ADGRE5: variants seen among roughly 807,000 people sequenced by gnomAD.
The protein encoded by ADGRE5 is adhesion G protein-coupled receptor E5.
A neutral mutation model predicts 100.3 loss-of-function variants in ADGRE5; 72 were observed. That is an observed-to-expected ratio of 0.72 (90% confidence interval 0.59 to 0.87). The LOEUF (loss-of-function observed/expected upper bound fraction) is 0.87, where lower values mean the gene tolerates loss of function less well. ADGRE5 is among the 40% of genes least tolerant of loss of function. The pLI, the probability that ADGRE5 is intolerant of heterozygous loss-of-function variation, is 0.00. For synonymous variants in ADGRE5, 439 were observed against 447.8 expected (o/e 0.98, Z 0.25); for missense variants, 959 against 1,094.7 (o/e 0.88, Z 1.75).
At position 14,406,022 on chromosome 19, in the gene ADGRE5, G is replaced by T; in HGVS notation, c.1821+83G>T. On this transcript the variant is annotated intron_variant, in intron 14 of 19. Coordinates refer to ENST00000242786, the MANE Select transcript of ADGRE5 (RefSeq NM_078481.4). The surrounding 1 kb of genome is among the most constrained non-coding windows in gnomAD (Gnocchi z 6.0). ...TAGCCCCGCCCACTCCCGGGGCTCA[G>T]TCGGGTAGGCGGGCCCTGGAGGCAT... The T allele has an allele frequency of 7.9e-7, 1 of 1,272,698 alleles. No individual in the cohort carries two copies. Among genetic ancestry groups the T allele is most frequent in the Non-Finnish European group, 1.1e-6 (1 of 937,936 alleles). 78.8% of individuals were successfully genotyped at this position (1,272,698 alleles called of 1,614,324 possible). A position where few individuals can be genotyped will look rare whatever the true frequency, so the allele number is the denominator to read the frequency against.
intron 1 of ADGRE5, among the ~76,000 whole-genome samples, chr19:14,386,702 A>AT (rs2146346266): frequency 1.4e-5 from 2 of 144,350 alleles, no homozygotes; most frequent in Non-Finnish European, 1.5e-5. Flanking sequence ...TCAAAAAAAA[A>AT]AAAAAAAAAA....
At chr19:14,396,996 G>A in intron 5 of ADGRE5, 81 bp from the exon 6 acceptor site, 1 of 1,443,764 alleles carries the variant, frequency 6.9e-7, no homozygotes, top group South Asian at 1.3e-5. Flanking sequence ...GCAATGAAAA[G>A]ATAGGGGAGT....
At chr19:14,398,465 C>T (rs897613861) in intron 9 of ADGRE5, 7 of 281,506 alleles carry the variant, frequency 2.5e-5, no homozygotes, top group African/African-American at 6.6e-5. Context: ...GTCAGGAGAT[C>T]GAGACCATTC....
intron 3 of ADGRE5, among the ~76,000 whole-genome samples, chr19:14,390,645 CAA>C (rs1975568944): frequency 6.6e-6 from 1 of 152,108 alleles, no homozygotes; most frequent in East Asian, 1.9e-4. Flanking sequence ...TAAATTTCTA[CAA>C]AGAGACTGGG....
chr19:14,391,016 C>A lies in ADGRE5; in HGVS notation c.283C>A (p.Pro95Thr). Residue 95 changes from proline (P) to threonine (T), a missense_variant, in exon 4 of 20, where the codon CCG becomes ACG. Physicochemically the swap from Pro to Thr is conservative, Grantham distance 38. Around this residue, in one of 6 missense-constraint regions of ADGRE5, gnomAD observed 114 missense variants for 195.7 expected, o/e 0.58. Coordinates refer to ENST00000242786, the MANE Select transcript of ADGRE5 (RefSeq NM_078481.4). ...TEGSYDCVCS[P>T]GYEPVSGAKT... is the part of the protein sequence containing the mutation. ...GGGGAGCTACGACTGCGTGTGCAGC[C>A]CGGGATATGAGCCTGTTTCTGGGGC... The A allele has an allele frequency of 1.2e-6, 2 of 1,614,146 alleles. No homozygotes were observed. Among genetic ancestry groups the A allele is most frequent in the Non-Finnish European group, 1.7e-6 (2 of 1,180,036 alleles).
At chr19:14,381,972 C>G (rs1053591192) in intron 1 of ADGRE5, among the ~76,000 whole-genome samples, 1 of 152,170 alleles carries the variant, frequency 6.6e-6, no homozygotes, top group African/African-American at 2.4e-5. Flanking sequence ...AAGGTACCCC[C>G]AATTTGTCCC....
At chr19:14,388,426 C>T in intron 1 of ADGRE5, 24 bp from the exon 2 acceptor site, 1 of 1,556,282 alleles carries the variant, frequency 6.4e-7, no homozygotes, top group African/African-American at 1.4e-5. Flanking sequence ...TCCCCTCTGA[C>T]CCCCTTTCCT....
In ADGRE5 at chr19:14,397,946, C is replaced by T; in HGVS notation, c.819+11C>T. 7.2e-7 allele frequency: 1 copy of T among 1,394,548 alleles called. No individual in the cohort carries two copies. The highest frequency in any genetic ancestry group is 1.2e-5 in the South Asian group (1 of 81,066). The allele number at this position is 1,394,548 out of a possible 1,614,324, so 86.4% of individuals were successfully genotyped here. On this transcript the variant is annotated intron_variant, in intron 8 of 19. Transcript: ENST00000242786. ...GGAGTCCACAGCCAGGTGAGTGGCCCCCACAGGGACGAGGCGGCGGGAACT... is the reference window on the plus strand; with the variant it reads ...GGAGTCCACAGCCAGGTGAGTGGCCTCCACAGGGACGAGGCGGCGGGAACT...
In ADGRE5 at chr19:14,402,646, G is replaced by A. The variant is rs1194990201; in HGVS notation, c.1233G>A (p.Leu411=). ...CCATCCAGAACATGACGACATTGCT[G>A]GCCAATGCCTCCTTGAACCTGCATT... ...ILSIQNMTTL[L]ANASLNLHSK... Residue 411 remains leucine (L), a synonymous_variant, in exon 12 of 20, where the codon CTG becomes CTA. Transcript: ENST00000242786. 5.0e-6 allele frequency: 8 copies of A among 1,613,964 alleles called. No homozygotes were observed. The highest frequency in any genetic ancestry group is 4.0e-5 in the African/African-American group (3 of 74,906).
intron 12 of ADGRE5, 109 bp downstream of exon 12, chr19:14,402,971 TGGCCTTCTGATTTG>T: frequency 9.3e-7 from 1 of 1,076,806 alleles, no homozygotes; most frequent in Non-Finnish European, 1.4e-6. Context: ...TTTATGTTTC[TGGCCTTCTGATTTG>T]GGCCTTCCCC....
chr19:14,383,292 G>T (rs933909052), intron 1 of ADGRE5, among the ~76,000 whole-genome samples: 5 of 151,888 alleles, frequency 3.3e-5, no homozygotes. Flanking sequence ...ATCACCAGAG[G>T]TCAGGAGTTC....
chr19:14,388,655 G>A lies in ADGRE5; in HGVS notation c.74-47G>A, dbSNP rs765594356. On this transcript the variant is annotated intron_variant, in intron 2 of 19. Transcript: ENST00000242786. The stretch of plus-strand genomic sequence containing the variant: ...ATCTCCCCCAGTGCCCCCTTTTTGT[G>A]TATTCCCTTACCCCTCACCTTCTGA... 16 of 1,608,128 alleles carry A rather than the reference G, an allele frequency of 9.9e-6. No homozygotes were observed. The South Asian group carries it at 1.8e-4, about 18-fold the overall frequency.
intron 1 of ADGRE5, 101 bp downstream of exon 1, chr19:14,381,646 T>G (rs879535384): frequency 4.0e-5 from 55 of 1,370,762 alleles, no homozygotes; most frequent in Admixed American, 3.0e-4. Flanking sequence ...CTGTGGGGCC[T>G]GCGATAGAGG....
intron 13 of ADGRE5, 43 bp downstream of exon 13, chr19:14,404,605 G>A: frequency 6.3e-7 from 1 of 1,577,762 alleles, no homozygotes; most frequent in Non-Finnish European, 8.6e-7. Flanking sequence ...AGGTAATGAG[G>A]TCCAGCTGCA....
chr19:14,382,749 G>A (rs938155833), intron 1 of ADGRE5, among the ~76,000 whole-genome samples: 2 of 149,128 alleles, frequency 1.3e-5, no homozygotes, highest in African/African-American at 2.5e-5. Context: ...CGCTCTTGTC[G>A]CTCAGGCTGG....
chr19:14,405,634 G>C, intron 13 of ADGRE5, 114 bp from the exon 14 acceptor site: 1 of 735,120 alleles, frequency 1.4e-6, no homozygotes, highest in Non-Finnish European at 2.3e-6. Context: ...GGAGGGACAA[G>C]GGAGGAGGTC....
chr19:14,406,179 G>A lies in ADGRE5; in HGVS notation c.1822-152G>A, dbSNP rs1976224610. 2 of 713,332 alleles carry A rather than the reference G, an allele frequency of 2.8e-6. No individual in the cohort carries two copies. Among genetic ancestry groups the A allele is most frequent in the Non-Finnish European group, 4.5e-6 (2 of 441,856 alleles). 44.2% of individuals were successfully genotyped at this position (713,332 alleles called of 1,614,324 possible). ...TCGCTTCTGAGCGTTGTTGGGGGTG[G>A]GCCCTGGGGGGAAACCTGGCCCCCG... is the stretch of plus-strand genomic sequence containing the variant. On this transcript the variant is annotated intron_variant, in intron 14 of 19. Transcript: ENST00000242786. The surrounding 1 kb of genome is among the most constrained non-coding windows in gnomAD (Gnocchi z 6.0).
At chr19:14,396,065 G>A (rs1225136971) in intron 4 of ADGRE5, among the ~76,000 whole-genome samples, 1 of 152,240 alleles carries the variant, frequency 6.6e-6, no homozygotes, top group Non-Finnish European at 1.5e-5. Context: ...CCTTTGCCCG[G>A]AATCCTTAGG....
chr19:14,382,731 C>A (rs1332590073), intron 1 of ADGRE5, among the ~76,000 whole-genome samples: 1 of 145,376 alleles, frequency 6.9e-6, no homozygotes, highest in Non-Finnish European at 1.5e-5. Flanking sequence ...TTTTTTGAGA[C>A]AAAGTCTCGC....
Sources: gnomAD v4.1 joint callset for allele counts (sites outside exome capture counted in the v4.1 genomes callset) on GRCh38, gnomAD v4.1.1 for gene constraint, gnomAD v4.1.1 regional missense constraint, Gnocchi (gnomAD v3.1) non-coding constraint, MANE v1.5 for transcripts, NCBI Gene and HGNC (gene_info 2026-07-23, HGNC 2026-07-21) for gene names.